Variants in TENM3 observed in about 807,000 individuals in gnomAD.
The protein encoded by TENM3 is teneurin transmembrane protein 3.
TENM3 carries 63 observed loss-of-function variants against 255.1 expected under a neutral mutation model. The observed-to-expected ratio is 0.25, with a 90% CI of 0.20 to 0.30. The LOEUF is 0.30. Ranked by LOEUF, TENM3 falls within the 10% of genes least tolerant of loss-of-function variation. The pLI is 1.00. For missense variants in TENM3, 2,929 were observed against 3,461.1 expected, an observed-to-expected ratio of 0.85 and a Z score of 3.86; for synonymous variants, 1,306 against 1,322.3, an observed-to-expected ratio of 0.99 and a Z score of 0.27.
At chr4:182,245,198 G>A (rs151130097) in intron 1 of TENM3, among the ~76,000 whole-genome samples, 29 of 152,274 alleles carry the variant, frequency 1.9e-4, no homozygotes, top group African/African-American at 6.7e-4. Flanking sequence ...CTTAATCCAT[G>A]GGCTTTGTTT....
chr4:181,457,790 G>A, the TENM3 span, among the ~76,000 whole-genome samples: 61 of 151,928 alleles, frequency 4.0e-4, no homozygotes, highest in Admixed American at 1.1e-3. Context: ...TCACATTTTA[G>A]TATCCTGTTC....
At chr4:181,916,399 T>C in the TENM3 span, among the ~76,000 whole-genome samples, 2 of 152,170 alleles carry the variant, frequency 1.3e-5, no homozygotes. Context: ...TAATAAACAT[T>C]ATCTCCATGT....
At chr4:182,761,424 A>C (rs888326006) in intron 22 of TENM3, among the ~76,000 whole-genome samples, 4 of 93,484 alleles carry the variant, frequency 4.3e-5, no homozygotes, top group South Asian at 6.2e-4. Flanking sequence ...CATCCCAAAA[A>C]AAAGAAGAAG....
At chr4:182,304,219 AT>A (rs923381248) in intron 1 of TENM3, among the ~76,000 whole-genome samples, 33 of 148,618 alleles carry the variant, frequency 2.2e-4, no homozygotes, top group Admixed American at 6.1e-4. Flanking sequence ...CTTTCAAGAA[AT>A]TTTTTTTTTT....
At chr4:181,571,530 G>A in the TENM3 span, among the ~76,000 whole-genome samples, 3 of 151,984 alleles carry the variant, frequency 2.0e-5, no homozygotes, top group African/African-American at 4.8e-5. Context: ...TAGAAACTAG[G>A]TCTCTCCATA....
intron 1 of TENM3, among the ~76,000 whole-genome samples, chr4:182,243,773 T>G (rs1203346815): frequency 6.6e-6 from 1 of 152,064 alleles, no homozygotes; most frequent in African/African-American, 2.4e-5. Context: ...CATAGTCACA[T>G]CAGCGAAATA....
chr4:181,708,958 G>T, the TENM3 span, among the ~76,000 whole-genome samples: 1 of 152,172 alleles, frequency 6.6e-6, no homozygotes, highest in Non-Finnish European at 1.5e-5. Context: ...CAACTTAAAA[G>T]AACTTTCAAA....
At chr4:181,540,225 A>G in the TENM3 span, among the ~76,000 whole-genome samples, 1 of 152,210 alleles carries the variant, frequency 6.6e-6, no homozygotes, top group Admixed American at 6.5e-5. Flanking sequence ...TGGAGCAACG[A>G]ATTAAAGTAG....
At chr4:181,954,941 A>G in the TENM3 span, among the ~76,000 whole-genome samples, 1 of 152,224 alleles carries the variant, frequency 6.6e-6, no homozygotes, top group Non-Finnish European at 1.5e-5. Context: ...ATACACATGC[A>G]GTTTTCCAGC....
the TENM3 span, among the ~76,000 whole-genome samples, chr4:181,771,993 T>C: frequency 6.6e-6 from 1 of 152,226 alleles, no homozygotes; most frequent in Non-Finnish European, 1.5e-5. Context: ...GGTGCTGAGA[T>C]TTTTTTTAAA....
chr4:182,540,799 C>T (rs1415097800), intron 3 of TENM3, among the ~76,000 whole-genome samples: 1 of 152,096 alleles, frequency 6.6e-6, no homozygotes, highest in African/African-American at 2.4e-5. Context: ...AGTAATTTTG[C>T]AAAGGGCAAT....
intron 1 of TENM3, among the ~76,000 whole-genome samples, chr4:182,314,331 G>A (rs1353633913): frequency 1.3e-5 from 2 of 152,040 alleles, no homozygotes; most frequent in East Asian, 3.9e-4. Context: ...GGGGCTACGT[G>A]TTGTGTATTC....
At chr4:181,836,745 T>C in the TENM3 span, among the ~76,000 whole-genome samples, 1 of 152,186 alleles carries the variant, frequency 6.6e-6, no homozygotes, top group African/African-American at 2.4e-5. Context: ...ATTCCTGGGA[T>C]TTTGCACTTC....
At chr4:182,190,469 C>G (rs767113059) in intron 1 of TENM3, 6 of 152,146 alleles carry the variant, frequency 3.9e-5, no homozygotes, top group South Asian at 2.1e-4. Flanking sequence ...TAGAATTGGA[C>G]GTCCTCTAAG....
chr4:182,523,592 G>C (rs906989639), intron 3 of TENM3, among the ~76,000 whole-genome samples: 1 of 152,090 alleles, frequency 6.6e-6, no homozygotes, highest in Non-Finnish European at 1.5e-5. Flanking sequence ...TAACATCGTG[G>C]AATAATCTAC....
intron 1 of TENM3, among the ~76,000 whole-genome samples, chr4:182,157,413 G>A (rs1296877758): frequency 1.3e-5 from 2 of 152,174 alleles, no homozygotes; most frequent in African/African-American, 4.8e-5. Context: ...TGAAGGCAGA[G>A]ACCCTTCTTC....
At chr4:182,363,057 A>G (rs1467814615) in intron 3 of TENM3, among the ~76,000 whole-genome samples, 2 of 152,216 alleles carry the variant, frequency 1.3e-5, no homozygotes, top group East Asian at 1.9e-4. Context: ...CTGAGCGACC[A>G]TGTCATCAGA....
intron 3 of TENM3, among the ~76,000 whole-genome samples, chr4:182,422,678 T>C (rs1770925945): frequency 2.0e-5 from 3 of 152,194 alleles, no homozygotes; most frequent in Admixed American, 2.0e-4. Context: ...CATATTGGGA[T>C]CAACCTTTGG....
chr4:181,629,445 C>T, the TENM3 span, among the ~76,000 whole-genome samples: 1 of 152,142 alleles, frequency 6.6e-6, no homozygotes, highest in Non-Finnish European at 1.5e-5. Flanking sequence ...CCAGTTTTTG[C>T]CCATTCAGTA....
Sources: allele counts gnomAD v4.1 joint callset (sites outside exome capture counted in the v4.1 genomes callset), GRCh38; gene constraint gnomAD v4.1.1; transcripts MANE v1.5; gene names NCBI Gene and HGNC (gene_info 2026-07-23, HGNC 2026-07-21).